The following NRG3 variants were observed in gnomAD, a reference collection of about 807,000 sequenced individuals.
The protein encoded by NRG3 is pro-neuregulin-3, membrane-bound isoform.
In NRG3, 31 loss-of-function variants were observed where a neutral mutation model predicts 66.9. The observed-to-expected ratio is 0.46, with a 90% CI of 0.35 to 0.63. NRG3 has a LOEUF of 0.63. NRG3 is among the 20% of genes least tolerant of loss of function. The pLI, the probability that NRG3 is intolerant of heterozygous loss-of-function variation, is 0.00. For missense variants in NRG3, 910 were observed against 878.9 expected, an observed-to-expected ratio of 1.04 and a Z score of -0.45; for synonymous variants, 393 against 359.4, an observed-to-expected ratio of 1.09 and a Z score of -1.06.
chr10:82,645,756 G>T (rs928374487), intron 2 of NRG3, among the ~76,000 whole-genome samples: 14 of 152,044 alleles, frequency 9.2e-5, no homozygotes, highest in Admixed American at 7.2e-4. Flanking sequence ...GGTTATAGGT[G>T]GGGAAAAAAC....
intron 2 of NRG3, among the ~76,000 whole-genome samples, chr10:82,565,616 T>C (rs112550480): frequency 1.1e-4 from 16 of 152,196 alleles, no homozygotes; most frequent in African/African-American, 3.9e-4. Flanking sequence ...TTTTGTTTTT[T>C]GATCGGCACT....
At chr10:82,205,377 G>A (rs1432502865) in intron 1 of NRG3, among the ~76,000 whole-genome samples, 1 of 152,176 alleles carries the variant, frequency 6.6e-6, no homozygotes, top group Non-Finnish European at 1.5e-5. Flanking sequence ...AGCTGTACAA[G>A]TGAAAGAGAA....
intron 2 of NRG3, among the ~76,000 whole-genome samples, chr10:82,480,638 C>T (rs976422143): frequency 2.0e-5 from 3 of 152,160 alleles, no homozygotes; most frequent in Non-Finnish European, 4.4e-5. Context: ...GTTTTGCCAG[C>T]CCCACTCTGC....
chr10:82,279,724 C>A (rs1171901341), intron 1 of NRG3, among the ~76,000 whole-genome samples: 1 of 152,168 alleles, frequency 6.6e-6, no homozygotes, highest in Non-Finnish European at 1.5e-5. Context: ...ATATGTGAGG[C>A]TGTCTCCATC....
At chr10:82,405,529 T>C (rs2087451287) in intron 2 of NRG3, among the ~76,000 whole-genome samples, 1 of 151,288 alleles carries the variant, frequency 6.6e-6, no homozygotes, top group East Asian at 2.0e-4. Context: ...TGATCTTGGC[T>C]CACTGCAACC....
At chr10:82,455,829 A>G (rs779172918) in intron 2 of NRG3, among the ~76,000 whole-genome samples, 1 of 152,010 alleles carries the variant, frequency 6.6e-6, no homozygotes, top group Non-Finnish European at 1.5e-5. Flanking sequence ...CTCGTTAGCC[A>G]GGATGGTCTC....
At chr10:82,759,458 A>G (rs956524982) in intron 3 of NRG3, among the ~76,000 whole-genome samples, 2 of 152,168 alleles carry the variant, frequency 1.3e-5, no homozygotes, top group Non-Finnish European at 2.9e-5. Context: ...CTTTTATAAC[A>G]ACTCTAAACA....
At chr10:82,305,783 T>A (rs560718096) in intron 1 of NRG3, among the ~76,000 whole-genome samples, 1 of 152,338 alleles carries the variant, frequency 6.6e-6, no homozygotes, top group South Asian at 2.1e-4. Context: ...CTTATACAAT[T>A]CTAACTGCTG....
intron 2 of NRG3, among the ~76,000 whole-genome samples, chr10:82,542,527 G>A (rs372339525): frequency 1.9e-4 from 29 of 152,298 alleles, no homozygotes; most frequent in African/African-American, 6.7e-4. Flanking sequence ...GTAATATCCT[G>A]TAAAATATTT....
intron 2 of NRG3, among the ~76,000 whole-genome samples, chr10:82,522,192 C>T (rs761011457): frequency 1.1e-4 from 16 of 151,904 alleles, no homozygotes; most frequent in Middle Eastern, 3.4e-3. Flanking sequence ...TACAGGTGCC[C>T]GCCACCACAC....
intron 2 of NRG3, among the ~76,000 whole-genome samples, chr10:82,481,262 G>C (rs1361152436): frequency 6.6e-6 from 1 of 152,128 alleles, no homozygotes; most frequent in Admixed American, 6.5e-5. Flanking sequence ...TCTTTCTAAA[G>C]CCTCTAATGG....
chr10:82,076,242 A>G (rs914901077), intron 1 of NRG3, among the ~76,000 whole-genome samples: 5 of 152,196 alleles, frequency 3.3e-5, no homozygotes, highest in Non-Finnish European at 7.3e-5. Context: ...TTGATGCTCA[A>G]ACATAAACTG....
At chr10:82,367,042 T>C (rs970652192) in intron 2 of NRG3, among the ~76,000 whole-genome samples, 3 of 152,282 alleles carry the variant, frequency 2.0e-5, no homozygotes, top group Admixed American at 2.0e-4. Flanking sequence ...CTCTGGCAGT[T>C]AGTACATTGC....
At chr10:82,935,819 A>C (rs574355074) in intron 4 of NRG3, among the ~76,000 whole-genome samples, 1 of 151,948 alleles carries the variant, frequency 6.6e-6, no homozygotes. Context: ...AGAAACAATG[A>C]TAAATGAGCC....
At chr10:82,398,526 T>TGTGAGAGAGAGA (rs373924370) in intron 2 of NRG3, among the ~76,000 whole-genome samples, 14 of 136,586 alleles carry the variant, frequency 1.0e-4, no homozygotes, top group South Asian at 2.3e-4. Context: ...TGTGTGTGTG[T>TGTGAGAGAGAGA]GAGAGAGAGA....
intron 1 of NRG3, among the ~76,000 whole-genome samples, chr10:81,968,991 C>T (rs1022889046): frequency 8.5e-5 from 13 of 152,166 alleles, no homozygotes; most frequent in African/African-American, 3.1e-4. Flanking sequence ...GGAAGTATCA[C>T]AGCTGCAAGG....
intron 3 of NRG3, among the ~76,000 whole-genome samples, chr10:82,812,072 A>T (rs552183475): frequency 6.6e-6 from 1 of 152,312 alleles, no homozygotes; most frequent in Admixed American, 6.5e-5. Flanking sequence ...ATGACTCCCA[A>T]CAACCAAATA....
intron 2 of NRG3, among the ~76,000 whole-genome samples, chr10:82,589,591 A>G (rs539073422): frequency 1.3e-5 from 2 of 152,230 alleles, no homozygotes; most frequent in South Asian, 2.1e-4. Flanking sequence ...GGAACTTTCT[A>G]CTAAAGACAC....
chr10:82,474,096 T>C (rs1322198515), intron 2 of NRG3, among the ~76,000 whole-genome samples: 1 of 152,084 alleles, frequency 6.6e-6, no homozygotes. Flanking sequence ...CTTTATGTCA[T>C]ACCGATGAGT....
Sources: allele counts gnomAD v4.1 joint callset (sites outside exome capture counted in the v4.1 genomes callset), GRCh38; gene constraint gnomAD v4.1.1; transcripts MANE v1.5; gene names NCBI Gene and HGNC (gene_info 2026-07-23, HGNC 2026-07-21).